TNFSF8: variants seen among roughly 807,000 people sequenced by gnomAD.
TNFSF8 encodes TNF superfamily member 8, also known as tumor necrosis factor ligand superfamily member 8.
In TNFSF8, 4 loss-of-function variants were observed where a neutral mutation model predicts 22.0. That is an observed-to-expected ratio of 0.18 (90% CI 0.09 to 0.42). The LOEUF (loss-of-function observed/expected upper bound fraction) is 0.42, where lower values mean the gene tolerates loss of function less well. Ranked by LOEUF, TNFSF8 falls within the 10% of genes least tolerant of loss-of-function variation. The pLI is 1.00. For missense variants in TNFSF8, 233 were observed against 281.8 expected, an observed-to-expected ratio of 0.83 and a Z score of 1.24; for synonymous variants, 106 against 112.5, an observed-to-expected ratio of 0.94 and a Z score of 0.37.
At chr9:114,919,977 C>T (rs968796235) in intron 1 of TNFSF8, among the ~76,000 whole-genome samples, 2 of 152,154 alleles carry the variant, frequency 1.3e-5, no homozygotes, top group African/African-American at 4.8e-5. Flanking sequence ...GGAAGGGAGG[C>T]AAACTTGTCC....
chr9:114,905,815 C>T lies in TNFSF8; in HGVS notation c.310+13G>A, dbSNP rs377600645. On this transcript the variant is annotated intron_variant, in intron 3 of 3. Transcript: ENST00000223795. ...TTTTCATATGTTTAGGTTTCCTGGG[C>T]TTGGTTACTGACCTTGGAGGTAGGC... 96 of 1,604,482 alleles carry T rather than the reference C, an allele frequency of 6.0e-5. No homozygotes were observed. In the African/African-American group the frequency reaches 1.1e-3, roughly 19 times the overall value.
rs770999413 is a variant in TNFSF8 at position 114,904,152 on chromosome 9, G to T, written c.484C>A (p.Leu162Ile). 4.3e-6 allele frequency: 7 copies of T among 1,613,974 alleles called. No individual in the cohort carries two copies. The highest frequency in any genetic ancestry group is 5.1e-6 in the Non-Finnish European group (6 of 1,179,984). Residue 162 changes from leucine (L) to isoleucine (I), a missense_variant, in exon 4 of 4, where the codon CTT becomes ATT. Leu to Ile is a conservative substitution (Grantham distance 5, BLOSUM62 2). Coordinates refer to ENST00000223795, the MANE Select transcript of TNFSF8 (RefSeq NM_001244.4). ...PNNSVDLKLE[L>I]LINKHIKKQA... ...TTTTTGATATGCTTGTTGATGAGAA[G>T]CTCCAACTTCAGATCGACAGAATTA...
At chr9:114,904,466 A>G in intron 3 of TNFSF8, 141 bp from the exon 4 acceptor site, 1 of 1,250,626 alleles carries the variant, frequency 8.0e-7, no homozygotes, top group Admixed American at 2.7e-5. Flanking sequence ...CTTCCATGTT[A>G]CTCCCTCTAG....
At chr9:114,897,089 C>A (rs549496048), downstream of TNFSF8, among the ~76,000 whole-genome samples, 5 of 151,958 alleles carry the variant, frequency 3.3e-5, no homozygotes, top group South Asian at 8.3e-4. Context: ...TTAGTAGAGA[C>A]GGGGTTTCTC....
At chr9:114,899,152 A>T (rs192739260), downstream of TNFSF8, among the ~76,000 whole-genome samples, 28 of 152,306 alleles carry the variant, frequency 1.8e-4, no homozygotes, top group Admixed American at 2.6e-4. Flanking sequence ...CTGGATGGAC[A>T]AACATTCCAA....
intron 1 of TNFSF8, 138 bp downstream of exon 1, chr9:114,929,971 T>TAGAG (rs201162109): frequency 0.11 from 37,586 of 329,884 alleles, 2,283 homozygotes; most frequent in Admixed American, 0.17. Context: ...AGTATATATA[T>TAGAG]ATATATAGAG....
chr9:114,902,112 G>T lies in TNFSF8; in HGVS notation c.*1819C>A, dbSNP rs966179856. 1 of 985,148 alleles carries T rather than the reference G, an allele frequency of 1.0e-6. No homozygotes were observed. Among genetic ancestry groups the T allele is most frequent in the Admixed American group, 6.2e-5 (1 of 16,238 alleles). 61.0% of individuals were successfully genotyped at this position (985,148 alleles called of 1,614,324 possible). ...ATTCCATCTCAAACGGCTTGTCAAGGTCCTTCCACAAATAAGATGTTCCTC... is the reference window on the plus strand; with the variant it reads ...ATTCCATCTCAAACGGCTTGTCAAGTTCCTTCCACAAATAAGATGTTCCTC... On this transcript the variant is annotated 3_prime_UTR_variant, in exon 4 of 4. Coordinates refer to ENST00000223795, the MANE Select transcript of TNFSF8 (RefSeq NM_001244.4).
chr9:114,900,944 T>C (rs1195337435), downstream of TNFSF8, among the ~76,000 whole-genome samples: 4 of 152,164 alleles, frequency 2.6e-5, no homozygotes, highest in Non-Finnish European at 5.9e-5. Context: ...ATAGCACCAC[T>C]CCACTCCAGT....
chr9:114,900,993 C>G (rs1158570495), downstream of TNFSF8, among the ~76,000 whole-genome samples: 1 of 151,726 alleles, frequency 6.6e-6, no homozygotes, highest in Non-Finnish European at 1.5e-5. Flanking sequence ...TTTTTGTGAG[C>G]TCACTTACCA....
At chr9:114,909,407 T>C (rs1276405932) in intron 2 of TNFSF8, among the ~76,000 whole-genome samples, 1 of 152,176 alleles carries the variant, frequency 6.6e-6, no homozygotes, top group African/African-American at 2.4e-5. Context: ...GTGAGAACTG[T>C]CTGCAAGTCA....
intron 1 of TNFSF8, among the ~76,000 whole-genome samples, chr9:114,918,395 A>G (rs1827946063): frequency 6.6e-6 from 1 of 152,086 alleles, no homozygotes; most frequent in Non-Finnish European, 1.5e-5. Context: ...AGTGAGATAA[A>G]ATGACTTGCC....
intron 2 of TNFSF8, among the ~76,000 whole-genome samples, chr9:114,908,715 TTC>T (rs1827815308): frequency 6.6e-6 from 1 of 152,234 alleles, no homozygotes; most frequent in Non-Finnish European, 1.5e-5. Context: ...ATTTTAGTTT[TTC>T]TTTAAAAATC....
At chr9:114,907,999 A>G in intron 2 of TNFSF8, among the ~76,000 whole-genome samples, 1 of 152,138 alleles carries the variant, frequency 6.6e-6, no homozygotes, top group Non-Finnish European at 1.5e-5. Context: ...GTCCCCCTAA[A>G]CATACCATTT....
downstream of TNFSF8, among the ~76,000 whole-genome samples, chr9:114,899,052 A>G (rs2131338708): frequency 6.6e-6 from 1 of 152,188 alleles, no homozygotes; most frequent in South Asian, 2.1e-4. Context: ...ACCTAGGCTC[A>G]CCCCAACTAC....
chr9:114,916,495 A>T (rs1375386936), intron 2 of TNFSF8, among the ~76,000 whole-genome samples: 1 of 152,174 alleles, frequency 6.6e-6, no homozygotes, highest in African/African-American at 2.4e-5. Context: ...TCCCTGTCAA[A>T]AAATGAAAAG....
In TNFSF8 at chr9:114,902,247, G is replaced by A; in HGVS notation, c.*1684C>T. The A allele has an allele frequency of 2.0e-6, 2 of 985,408 alleles. No individual in the cohort carries two copies. Among genetic ancestry groups the A allele is most frequent in the South Asian group, 4.7e-5 (1 of 21,288 alleles). The allele number at this position is 985,408 out of a possible 1,614,324, so 61.0% of individuals were successfully genotyped here. A position where few individuals can be genotyped will look rare whatever the true frequency, so the allele number is the denominator to read the frequency against. On this transcript the variant is annotated 3_prime_UTR_variant, in exon 4 of 4. Coordinates refer to ENST00000223795, the MANE Select transcript of TNFSF8 (RefSeq NM_001244.4). ...AGAAGTCCTCCTCCCCACTTCCAGGGTCATCATTGTCTCTCAACAACTTTG... is the reference window on the plus strand; with the variant it reads ...AGAAGTCCTCCTCCCCACTTCCAGGATCATCATTGTCTCTCAACAACTTTG...
At chr9:114,915,167 A>G (rs1177135708) in intron 2 of TNFSF8, among the ~76,000 whole-genome samples, 1 of 152,122 alleles carries the variant, frequency 6.6e-6, no homozygotes, top group Admixed American at 6.5e-5. Flanking sequence ...CTTTTTTCAA[A>G]AGGGACAATT....
downstream of TNFSF8, among the ~76,000 whole-genome samples, chr9:114,896,448 T>A (rs1036881537): frequency 2.0e-5 from 3 of 152,184 alleles, no homozygotes; most frequent in Admixed American, 6.5e-5. Context: ...ATACCAAGGT[T>A]TGATTTAAAC....
chr9:114,916,747 T>C (rs1196906714), intron 2 of TNFSF8, among the ~76,000 whole-genome samples: 2 of 152,172 alleles, frequency 1.3e-5, no homozygotes, highest in Non-Finnish European at 2.9e-5. Flanking sequence ...CGTGGTTACT[T>C]ATTTGCGTGT....
Sources: gnomAD v4.1 joint callset for allele counts (sites outside exome capture counted in the v4.1 genomes callset) on GRCh38, gnomAD v4.1.1 for gene constraint, MANE v1.5 for transcripts, NCBI Gene and HGNC (gene_info 2026-07-23, HGNC 2026-07-21) for gene names.